PLEKHN1: variants seen among roughly 807,000 people sequenced by gnomAD.
PLEKHN1 encodes pleckstrin homology domain-containing family N member 1.
In PLEKHN1, 68 loss-of-function variants were observed where a neutral mutation model predicts 72.8. The ratio of observed to expected loss-of-function variants is 0.93; its 90% CI spans 0.77 to 1.14. The LOEUF is 1.14. PLEKHN1 is among the 50% of genes most tolerant of loss of function. The probability of loss-of-function intolerance (pLI) is 0.00; values close to 1 mark genes in which losing one functional copy is unlikely to be tolerated. For synonymous variants in PLEKHN1, 454 were observed against 371.6 expected, an observed-to-expected ratio of 1.22 and a Z score of -2.55; for missense variants, 1,015 against 840.5, an observed-to-expected ratio of 1.21 and a Z score of -2.57.
intron 2 of PLEKHN1, among the ~76,000 whole-genome samples, chr1:969,644 G>A (rs748301819): frequency 1.4e-5 from 2 of 138,768 alleles, no homozygotes; most frequent in Non-Finnish European, 3.0e-5. Flanking sequence ...CTGTGTATGT[G>A]TGCACGTGTG....
intron 14 of PLEKHN1, 28 bp downstream of exon 14, chr1:974,079 C>CCCCG (rs1405973423): frequency 6.5e-7 from 1 of 1,548,504 alleles, no homozygotes; most frequent in African/African-American, 1.4e-5. Context: ...CGCCCGTGTG[C>CCCCG]CCCGGGCTCC....
At chr1:969,782 T>G (rs1643206091) in intron 2 of PLEKHN1, among the ~76,000 whole-genome samples, 1 of 152,186 alleles carries the variant, frequency 6.6e-6, no homozygotes, top group Non-Finnish European at 1.5e-5. Flanking sequence ...CATGTGTGCG[T>G]GTATGCATTT....
chr1:969,049 T>C lies in PLEKHN1; in HGVS notation c.184-1228T>C, dbSNP rs955314785. ...GGTGAGGACACTGACACCGAGGAGA[T>C]TGGCAAACGTTACAAATCAGGGCAT... On this transcript the variant is annotated intron_variant, in intron 2 of 15. Coordinates refer to ENST00000379410, the MANE Select transcript of PLEKHN1 (RefSeq NM_032129.3). 2.0e-5 allele frequency among the ~76,000 whole-genome samples: 3 copies of C among 152,188 alleles called. No homozygotes were observed. The East Asian group carries it at 5.8e-4, about 29-fold the overall frequency.
chr1:968,479 C>T (rs1007505235), intron 2 of PLEKHN1, among the ~76,000 whole-genome samples: 2 of 152,148 alleles, frequency 1.3e-5, no homozygotes, highest in African/African-American at 2.4e-5. Flanking sequence ...ATGTGGAGTC[C>T]CCTCCCCTCT....
chr1:967,591 C>T (rs952402501), intron 2 of PLEKHN1, among the ~76,000 whole-genome samples: 1 of 152,170 alleles, frequency 6.6e-6, no homozygotes, highest in Non-Finnish European at 1.5e-5. Context: ...GCCTGCCCTG[C>T]ACTCCTGGGT....
chr1:975,137 AAGAAG>A lies in PLEKHN1; in HGVS notation c.*571_*575del, dbSNP rs1489189189. On this transcript the variant is annotated 3_prime_UTR_variant, in exon 16 of 16. Coordinates refer to ENST00000379410, the MANE Select transcript of PLEKHN1 (RefSeq NM_032129.3). ...AGAAGAGAGAGAGGAGAAGAGAGAA[AAGAAG>A]AGAAGAGAGAAGAGAAGAGAAGGAA... is the stretch of plus-strand genomic sequence containing the variant. 1 of 152,048 alleles carries A rather than the reference AAGAAG, an allele frequency of 6.6e-6. No individual in the cohort carries two copies. The highest frequency in any genetic ancestry group is 1.5e-5 in the Non-Finnish European group (1 of 68,378). 9.4% of individuals were successfully genotyped at this position (152,048 alleles called of 1,614,324 possible).
At chr1:966,986 G>C (rs1184484397) in intron 2 of PLEKHN1, among the ~76,000 whole-genome samples, 183 bp downstream of exon 2, 2 of 152,228 alleles carry the variant, frequency 1.3e-5, no homozygotes, top group Admixed American at 1.3e-4. Flanking sequence ...TCTGAGCGGA[G>C]AGCGAAACCG....
In PLEKHN1 at chr1:970,677, G is replaced by A. The variant is rs1260565224; in HGVS notation, c.412-9G>A. On this transcript the variant is annotated splice_polypyrimidine_tract_variant and intron_variant, in intron 4 of 15. Transcript: ENST00000379410. The surrounding 1 kb of genome is among the most constrained non-coding windows in gnomAD (Gnocchi z 4.2). ...ATCCCTGAAGCTCCTCCTACCCTGT[G>A]CCTGGCAGGGGCTGTTACCGCTGAC... 2 of 1,596,700 alleles carry A rather than the reference G, an allele frequency of 1.3e-6. No individual in the cohort carries two copies. The highest frequency in any genetic ancestry group is 2.2e-5 in the East Asian group (1 of 44,658).
Position 974,473 on chromosome 1 carries a change from C to T in PLEKHN1, c.1734C>T (p.Pro578=), listed in dbSNP as rs759820256. 2.0e-5 allele frequency: 33 copies of T among 1,612,762 alleles called. No individual in the cohort carries two copies. Among genetic ancestry groups the T allele is most frequent in the Middle Eastern group, 1.6e-4 (1 of 6,062 alleles). The part of the protein sequence containing the change: ...DGRSPRRSRD[P]GYDHLWDETL... The stretch of plus-strand genomic sequence containing the variant: ...GGTCCCCCAGGAGGAGCCGGGACCC[C>T]GGCTACGACCACCTCTGGGACGAGA... The change falls in exon 16 of 16, where the codon CCC becomes CCT. Residue 578 remains proline (P), a synonymous_variant. Transcript: ENST00000379410.
rs1408404600 is a variant in PLEKHN1 at position 966,540 on chromosome 1, C to G, written c.9C>G (p.Asn3Lys). MG[N>K]SHCVPQAPRR... ...CCTGTACGACTCTGGCCATGGGGAA[C>G]AGCCACTGTGTCCCTCAGGCCCCCA... The change falls in exon 1 of 16, where the codon AAC (asparagine) becomes AAG (lysine). Residue 3 changes from asparagine (N) to lysine (K), a missense_variant. Coordinates refer to ENST00000379410, the MANE Select transcript of PLEKHN1 (RefSeq NM_032129.3). 6 of 1,607,476 alleles carry G rather than the reference C, an allele frequency of 3.7e-6. No individual in the cohort carries two copies. The highest frequency in any genetic ancestry group is 5.1e-6 in the Non-Finnish European group (6 of 1,175,984).
rs368301007 is a variant in PLEKHN1, at chr1:966,620, C to T, written c.83+6C>T. On this transcript the variant is annotated splice_donor_region_variant and intron_variant, in intron 1 of 15. Coordinates refer to ENST00000379410, the MANE Select transcript of PLEKHN1 (RefSeq NM_032129.3). ...CCCTCGCTGAAGGGAAACAGGTGAGCGGGGCGTGGGTGCGGCCACCTGGGC... is the reference window on the plus strand; with the variant it reads ...CCCTCGCTGAAGGGAAACAGGTGAGTGGGGCGTGGGTGCGGCCACCTGGGC... 82 of 1,607,338 alleles carry T rather than the reference C, an allele frequency of 5.1e-5. No homozygotes were observed. The highest frequency in any genetic ancestry group is 3.9e-4 in the African/African-American group (29 of 74,798).
Position 972,760 on chromosome 1 carries a change from C to T in PLEKHN1, c.1003-101C>T, listed in dbSNP as rs569668886. ...CAGCCTGGGCGACAGAATAAGACTT[C>T]GTCCCAAAAAGATAAAAGGGGGGAC... On this transcript the variant is annotated intron_variant, in intron 10 of 15. Coordinates refer to ENST00000379410, the MANE Select transcript of PLEKHN1 (RefSeq NM_032129.3). The T allele has an allele frequency of 5.7e-4, 790 of 1,377,820 alleles. 1 individual carries two copies. The highest frequency in any genetic ancestry group is 7.1e-4 in the Non-Finnish European group (740 of 1,039,936). 85.3% of individuals were successfully genotyped at this position (1,377,820 alleles called of 1,614,324 possible).
At chr1:968,596 C>A (rs527991761) in intron 2 of PLEKHN1, among the ~76,000 whole-genome samples, 1 of 152,208 alleles carries the variant, frequency 6.6e-6, no homozygotes, top group Non-Finnish European at 1.5e-5. Flanking sequence ...GCTCCCATTC[C>A]CACGGCAGAG....
Position 974,884 on chromosome 1 carries a change from G to T in PLEKHN1, c.*309G>T, listed in dbSNP as rs114241396. The stretch of plus-strand genomic sequence containing the variant: ...CCGCCAGGAGTCAGGGAGGAGACTC[G>T]CTGGGAGTGGGAGGGCAGCACGGGC... On this transcript the variant is annotated 3_prime_UTR_variant, in exon 16 of 16. Coordinates refer to ENST00000379410, the MANE Select transcript of PLEKHN1 (RefSeq NM_032129.3). 4 of 409,958 alleles carry T rather than the reference G, an allele frequency of 9.8e-6. No homozygotes were observed. In the Admixed American group the frequency reaches 1.2e-4, roughly 12 times the overall value. 25.4% of individuals were successfully genotyped at this position (409,958 alleles called of 1,614,324 possible).
rs1326939962 is a variant in PLEKHN1 at position 971,371 on chromosome 1, T to C, written c.756T>C (p.Ile252=). The part of the protein sequence containing the change: ...LLVLYPTSLA[I]FSEELDGLCF... ...TCCTGTACCCAACGTCCTTGGCCAT[T>C]TTCTCCGAGGAGCTGGACGGGCTTT... is the stretch of plus-strand genomic sequence containing the variant. Residue 252 remains isoleucine (I), a synonymous_variant, in exon 8 of 16, where the codon ATT becomes ATC. Coordinates refer to ENST00000379410, the MANE Select transcript of PLEKHN1 (RefSeq NM_032129.3). The C allele has an allele frequency of 1.3e-6, 2 of 1,591,606 alleles. No homozygotes were observed. The highest frequency in any genetic ancestry group is 8.5e-7 in the Non-Finnish European group (1 of 1,170,362).
chr1:966,817 G>T lies in PLEKHN1; in HGVS notation c.183+14G>T. ...ATCCCGGGCACGGTGAGCGCGGCGT[G>T]CACGGTGGCTGTGGTCTGGGAGCGT... On this transcript the variant is annotated intron_variant, in intron 2 of 15. Transcript: ENST00000379410. 6.5e-7 allele frequency: 1 copy of T among 1,547,472 alleles called. No homozygotes were observed.
rs763972176 is a variant in PLEKHN1 at position 974,428 on chromosome 1, G to A, written c.1703-14G>A. On this transcript the variant is annotated splice_polypyrimidine_tract_variant and intron_variant, in intron 15 of 15. Coordinates refer to ENST00000379410, the MANE Select transcript of PLEKHN1 (RefSeq NM_032129.3). The stretch of plus-strand genomic sequence containing the variant: ...GCCTCCCACAGGCTGACACATCTCT[G>A]CCTTCCCTACCAGATGGTCGGTCCC... 3 of 1,612,770 alleles carry A rather than the reference G, an allele frequency of 1.9e-6. No homozygotes were observed. Among genetic ancestry groups the A allele is most frequent in the Non-Finnish European group, 2.5e-6 (3 of 1,179,980 alleles).
rs1643341589 is a variant in PLEKHN1, at chr1:971,751, TGCACTCACGGTAACCTTCAGTCACTGAG to T, written c.790-322_790-295del. On this transcript the variant is annotated intron_variant, in intron 8 of 15. Transcript: ENST00000379410. ...CAGGGCGGGCTCCGGGAAGGGGGTG[TGCACTCACGGTAACCTTCAGTCACTGAG>T]GAACAAACACAGGGCCCTCCCCATG... Among the ~76,000 whole-genome samples the T allele has an allele frequency of 1.3e-5, 2 of 152,074 alleles. 1 individual carries two copies. The highest frequency in any genetic ancestry group is 4.1e-4 in the South Asian group (2 of 4,826).
In PLEKHN1 at chr1:973,525, G is replaced by T. The variant is rs1347719559; in HGVS notation, c.1319G>T (p.Ser440Ile). The stretch of plus-strand genomic sequence containing the variant: ...CTGCACAGGCTGAGCCTGGAGAGCA[G>T]CCCAGATGCCCCTGACCACACTTCG... ...TQLHRLSLES[S>I]PDAPDHTSET... is the part of the protein sequence containing the mutation. Residue 440 changes from serine (S) to isoleucine (I), a missense_variant, in exon 13 of 16, where the codon AGC becomes ATC. Physicochemically the swap from Ser to Ile is moderately radical, Grantham distance 142. Coordinates refer to ENST00000379410, the MANE Select transcript of PLEKHN1 (RefSeq NM_032129.3). 1 of 1,613,200 alleles carries T rather than the reference G, an allele frequency of 6.2e-7. No individual in the cohort carries two copies. Among genetic ancestry groups the T allele is most frequent in the East Asian group, 2.2e-5 (1 of 44,882 alleles).
Sources: allele counts gnomAD v4.1 joint callset (sites outside exome capture counted in the v4.1 genomes callset), GRCh38; gene constraint gnomAD v4.1.1; non-coding constraint Gnocchi (gnomAD v3.1); transcripts MANE v1.5; gene names NCBI Gene and HGNC (gene_info 2026-07-23, HGNC 2026-07-21).